LHPP: variants seen among roughly 807,000 people sequenced by gnomAD.
The protein encoded by LHPP is phospholysine phosphohistidine inorganic pyrophosphate phosphatase.
In LHPP, 24 loss-of-function variants were observed where a neutral mutation model predicts 30.3. The observed-to-expected ratio is 0.79, with a 90% CI of 0.57 to 1.11. The LOEUF is 1.11. Ranked by LOEUF, LHPP falls within the 50% of genes most tolerant of loss-of-function variation. The pLI, the probability that LHPP is intolerant of heterozygous loss-of-function variation, is 0.00. For synonymous variants in LHPP, 150 were observed against 157.1 expected (o/e 0.95, Z 0.34); for missense variants, 356 against 367.2 (o/e 0.97, Z 0.25).
intron 6 of LHPP, among the ~76,000 whole-genome samples, chr10:124,608,391 C>T (rs544178812): frequency 1.3e-5 from 2 of 152,298 alleles, no homozygotes; most frequent in South Asian, 4.2e-4. Flanking sequence ...CTGAGTTTTC[C>T]ATTTTAGCCA....
chr10:124,466,581 C>T (rs550930300), intron 1 of LHPP, among the ~76,000 whole-genome samples: 78 of 152,088 alleles, frequency 5.1e-4, no homozygotes, highest in African/African-American at 1.8e-3. Flanking sequence ...CTCAGCCTCC[C>T]GAGTAGCTGA....
At position 124,590,449 on chromosome 10, in the gene LHPP, G is replaced by A. The variant is rs979748366; in HGVS notation, c.717-22815G>A. ...GTTGAGTTCCGACGCAGGCGTGGGC[G>A]ATGGTGAGCAACTCCAGGCTACCCC... On this transcript the variant is annotated intron_variant, in intron 6 of 6. Transcript: ENST00000368842. This position sits in a 1 kb window ranked among gnomAD's most constrained non-coding sequence, Gnocchi z 4.3. Among the ~76,000 whole-genome samples, 2 of 152,132 alleles carry A rather than the reference G, an allele frequency of 1.3e-5. No individual in the cohort carries two copies. Among genetic ancestry groups the A allele is most frequent in the South Asian group, 2.1e-4 (1 of 4,814 alleles).
At chr10:124,514,139 G>A (rs748361898) in intron 5 of LHPP, among the ~76,000 whole-genome samples, 40 of 152,338 alleles carry the variant, frequency 2.6e-4, no homozygotes, top group Admixed American at 7.8e-4. Context: ...GCACCAGGGT[G>A]TGATCCCAGA....
At chr10:124,507,352 T>TCG (rs1266698432) in intron 5 of LHPP, among the ~76,000 whole-genome samples, 1 of 34,328 alleles carries the variant, frequency 2.9e-5, no homozygotes, top group Non-Finnish European at 5.2e-5. Context: ...GGATTTCAGG[T>TCG]GTGGAGGGTA....
chr10:124,601,674 A>G (rs895035539), intron 6 of LHPP, among the ~76,000 whole-genome samples: 1 of 152,166 alleles, frequency 6.6e-6, no homozygotes, highest in African/African-American at 2.4e-5. Context: ...ACAGAGTGCC[A>G]CCTGGCTAAA....
At chr10:124,518,118 G>A (rs537465253) in intron 6 of LHPP, among the ~76,000 whole-genome samples, 2 of 152,320 alleles carry the variant, frequency 1.3e-5, no homozygotes, top group Admixed American at 6.5e-5. Flanking sequence ...TCTCTCCTGC[G>A]GGTTGGGAGC....
chr10:124,516,081 A>T (rs1954446465), intron 5 of LHPP, among the ~76,000 whole-genome samples: 1 of 152,206 alleles, frequency 6.6e-6, no homozygotes, highest in Non-Finnish European at 1.5e-5. Flanking sequence ...CCTTGGTATT[A>T]GTCAGCCCAG....
intron 1 of LHPP, 85 bp from the exon 2 acceptor site, chr10:124,484,054 C>T: frequency 7.6e-7 from 1 of 1,309,194 alleles, no homozygotes; most frequent in South Asian, 1.3e-5. Context: ...TTGCTGGATG[C>T]CCTTCGAGAA....
At chr10:124,490,497 G>A (rs1401739106) in intron 3 of LHPP, 4 of 354,204 alleles carry the variant, frequency 1.1e-5, no homozygotes, top group Admixed American at 9.3e-5. Context: ...TTAGGCAGGT[G>A]GACATTCTTC....
intron 6 of LHPP, among the ~76,000 whole-genome samples, chr10:124,521,197 G>A (rs1954604500): frequency 6.6e-6 from 1 of 152,216 alleles, no homozygotes; most frequent in Non-Finnish European, 1.5e-5. Context: ...CCTGCGTGGT[G>A]CTCCCTATGG....
chr10:124,522,390 G>A (rs1412459332), intron 6 of LHPP, among the ~76,000 whole-genome samples: 4 of 152,188 alleles, frequency 2.6e-5, no homozygotes, highest in African/African-American at 7.2e-5. Flanking sequence ...CTGGACAACA[G>A]TGTCTCCTCC....
chr10:124,470,684 T>C (rs61861922), intron 1 of LHPP, among the ~76,000 whole-genome samples: 3,217 of 91,220 alleles, frequency 0.035, 46 homozygotes, highest in Non-Finnish European at 0.047. Context: ...ACAACAACAA[T>C]AATAATAATG....
chr10:124,464,363 A>G (rs1426524439), intron 1 of LHPP, among the ~76,000 whole-genome samples: 2 of 152,168 alleles, frequency 1.3e-5, no homozygotes, highest in African/African-American at 4.8e-5. Flanking sequence ...TAGAGACCCC[A>G]TTCTACCAAT....
intron 1 of LHPP, among the ~76,000 whole-genome samples, chr10:124,483,723 C>G (rs2042431913): frequency 6.6e-6 from 1 of 151,996 alleles, no homozygotes; most frequent in Non-Finnish European, 1.5e-5. Context: ...TGCCACTGCA[C>G]TCCAGCCTGG....
In LHPP at chr10:124,613,419, C is replaced by T. The variant is rs1949230053; in HGVS notation, c.*59C>T. On this transcript the variant is annotated 3_prime_UTR_variant, in exon 7 of 7. Coordinates refer to ENST00000368842, the MANE Select transcript of LHPP (RefSeq NM_022126.4). ...CTGCCTCTCCTCCACCCCTGCCTCC[C>T]CTCCACCCCTGCCTCTCCTCCACCC... is the stretch of plus-strand genomic sequence containing the variant. The T allele has an allele frequency of 6.5e-6, 8 of 1,221,832 alleles. No homozygotes were observed. The South Asian group carries it at 7.3e-5, about 11-fold the overall frequency. The allele number at this position is 1,221,832 out of a possible 1,614,324, so 75.7% of individuals were successfully genotyped here.
At chr10:124,570,827 T>C (rs1203687705) in intron 6 of LHPP, among the ~76,000 whole-genome samples, 1 of 152,272 alleles carries the variant, frequency 6.6e-6, no homozygotes, top group Non-Finnish European at 1.5e-5. Context: ...CTGAGTAATA[T>C]TCCACTATGT....
chr10:124,498,966 C>T (rs1421118884), intron 5 of LHPP, among the ~76,000 whole-genome samples: 1 of 151,522 alleles, frequency 6.6e-6, no homozygotes, highest in Admixed American at 6.6e-5. Flanking sequence ...ACTGCAACCT[C>T]CACCTCCTGG....
chr10:124,583,901 A>T (rs774881710), intron 6 of LHPP, among the ~76,000 whole-genome samples: 12 of 152,230 alleles, frequency 7.9e-5, no homozygotes, highest in African/African-American at 1.2e-4. Flanking sequence ...TTGATCACTG[A>T]CATGATTACT....
intron 5 of LHPP, among the ~76,000 whole-genome samples, chr10:124,505,017 TC>T (rs1277322462): frequency 6.6e-6 from 1 of 152,114 alleles, no homozygotes; most frequent in Non-Finnish European, 1.5e-5. Flanking sequence ...AAGACTTGTT[TC>T]CTCTGGTGGC....
Sources: gnomAD v4.1 joint callset for allele counts (sites outside exome capture counted in the v4.1 genomes callset) on GRCh38, gnomAD v4.1.1 for gene constraint, Gnocchi (gnomAD v3.1) non-coding constraint, MANE v1.5 for transcripts, NCBI Gene and HGNC (gene_info 2026-07-23, HGNC 2026-07-21) for gene names.